Variants in TRIP4 observed in about 807,000 individuals in gnomAD.
The protein encoded by TRIP4 is thyroid hormone receptor interactor 4, also known as activating signal cointegrator 1.
In TRIP4, 54 loss-of-function variants were observed where a neutral mutation model predicts 81.8. The ratio of observed to expected loss-of-function variants is 0.66; its 90% CI spans 0.53 to 0.83. The LOEUF (loss-of-function observed/expected upper bound fraction) is 0.83, where lower values mean the gene tolerates loss of function less well. TRIP4 is among the 40% of genes least tolerant of loss of function. The probability of loss-of-function intolerance (pLI) is 0.00; values close to 1 mark genes in which losing one functional copy is unlikely to be tolerated. For missense variants in TRIP4, 662 were observed against 683.6 expected (o/e 0.97, Z 0.35); for synonymous variants, 270 against 242.8 (o/e 1.11, Z -1.04).
At chr15:64,445,165 A>G in intron 12 of TRIP4, 57 bp downstream of exon 12, 1 of 905,814 alleles carries the variant, frequency 1.1e-6, no homozygotes, top group South Asian at 1.5e-5. Flanking sequence ...AGGAATGGGG[A>G]AAAAAGTAGA....
At chr15:64,393,734 CGTT>C (rs1449764792) in intron 1 of TRIP4, 3 of 353,092 alleles carry the variant, frequency 8.5e-6, no homozygotes, top group African/African-American at 2.1e-5. Context: ...TGGTGTATAA[CGTT>C]GTTTTTTTCC....
chr15:64,406,437 C>G lies in TRIP4; in HGVS notation c.805C>G (p.Leu269Val). 1 of 1,613,930 alleles carries G rather than the reference C, an allele frequency of 6.2e-7. No homozygotes were observed. Among genetic ancestry groups the G allele is most frequent in the Non-Finnish European group, 8.5e-7 (1 of 1,179,954 alleles). ...LEKAIKHKDK[L>V]LEFDRTSIRR... The stretch of plus-strand genomic sequence containing the variant: ...GAAGGCTATCAAGCATAAAGACAAA[C>G]TGTTAGAGTTTGACAGAACTAGGTA... The change falls in exon 6 of 13, where the codon CTG becomes GTG. Residue 269 changes from leucine to valine, a missense_variant. Physicochemically the swap from Leu to Val is conservative, Grantham distance 32. Transcript: ENST00000261884.
At chr15:64,431,847 A>ATATTTT in intron 11 of TRIP4, among the ~76,000 whole-genome samples, 38,497 of 119,256 alleles carry the variant, frequency 0.32, 6,958 homozygotes, top group Admixed American at 0.38. Context: ...ATATATATAT[A>ATATTTT]TTTTTTTTAT....
At chr15:64,388,921 G>A (rs1900034089) in intron 1 of TRIP4, among the ~76,000 whole-genome samples, 1 of 152,202 alleles carries the variant, frequency 6.6e-6, no homozygotes, top group African/African-American at 2.4e-5. Flanking sequence ...ACTGATTGAA[G>A]AACATTTGTT....
chr15:64,425,953 C>T (rs1399093585), intron 11 of TRIP4, among the ~76,000 whole-genome samples: 1 of 152,008 alleles, frequency 6.6e-6, no homozygotes, highest in Non-Finnish European at 1.5e-5. Flanking sequence ...TGTGGTGGCA[C>T]GTGCCTGTAG....
chr15:64,447,226 A>G (rs1892655064), intron 12 of TRIP4, among the ~76,000 whole-genome samples: 1 of 152,174 alleles, frequency 6.6e-6, no homozygotes, highest in Non-Finnish European at 1.5e-5. Context: ...CATGTCAGTT[A>G]CCATTTTGTG....
chr15:64,450,627 A>G, intron 12 of TRIP4: 2 of 455,808 alleles, frequency 4.4e-6, no homozygotes, highest in South Asian at 3.1e-5. Context: ...GATTGTAAGG[A>G]GTTCACAGAT....
intron 12 of TRIP4, chr15:64,450,898 G>GTT (rs1344167714): frequency 3.7e-6 from 1 of 272,192 alleles, no homozygotes; most frequent in Non-Finnish European, 7.7e-6. Context: ...AAATAGGAAT[G>GTT]TTCTCATTCA....
intron 9 of TRIP4, among the ~76,000 whole-genome samples, chr15:64,419,449 C>T (rs570415941): frequency 6.6e-6 from 1 of 152,050 alleles, no homozygotes; most frequent in Admixed American, 6.6e-5. Context: ...ACCTCCGCCT[C>T]CCAGGTTCAC....
At chr15:64,450,882 A>G (rs1892743301) in intron 12 of TRIP4, 1 of 293,446 alleles carries the variant, frequency 3.4e-6, no homozygotes, top group Non-Finnish European at 7.2e-6. Context: ...AGTTTCCTGA[A>G]ACGTAAAATA....
chr15:64,394,185 A>AT (rs904299861), intron 2 of TRIP4, 70 bp downstream of exon 2: 18,937 of 1,018,944 alleles, frequency 0.019, no homozygotes, highest in Non-Finnish European at 0.02. Flanking sequence ...TATTATTATT[A>AT]TTTTTTTTTT....
intron 5 of TRIP4, among the ~76,000 whole-genome samples, chr15:64,402,595 C>T (rs537294723): frequency 1.3e-5 from 2 of 151,054 alleles, no homozygotes; most frequent in South Asian, 4.2e-4. Flanking sequence ...GCGATCTCAG[C>T]TCACTGCAAC....
intron 12 of TRIP4, among the ~76,000 whole-genome samples, chr15:64,451,409 C>G (rs928333365): frequency 1.9e-4 from 29 of 150,660 alleles, no homozygotes; most frequent in African/African-American, 6.8e-4. Flanking sequence ...CACACCTGGC[C>G]TGAAACACTT....
chr15:64,407,003 GA>G (rs35355253), intron 6 of TRIP4, among the ~76,000 whole-genome samples: 33,836 of 151,994 alleles, frequency 0.22, 4,808 homozygotes, highest in Admixed American at 0.4. Flanking sequence ...TTCTGTTTAG[GA>G]GATAGATTTA....
chr15:64,441,430 A>C (rs144099846), intron 11 of TRIP4, among the ~76,000 whole-genome samples: 42 of 152,274 alleles, frequency 2.8e-4, no homozygotes, highest in African/African-American at 9.9e-4. Context: ...GTCGAGACCA[A>C]GTAAAAGTTC....
chr15:64,423,130 C>G (rs937378330), intron 9 of TRIP4, among the ~76,000 whole-genome samples: 1 of 152,102 alleles, frequency 6.6e-6, no homozygotes, highest in African/African-American at 2.4e-5. Context: ...AACTAGTCCA[C>G]AAGTTGTTTA....
chr15:64,409,405 G>A (rs1891709060), intron 6 of TRIP4, among the ~76,000 whole-genome samples: 2 of 152,260 alleles, frequency 1.3e-5, no homozygotes, highest in Middle Eastern at 3.4e-3. Context: ...AAGGTAGAAG[G>A]AAAATGTATT....
intron 9 of TRIP4, 30 bp from the exon 10 acceptor site, chr15:64,424,000 AT>A (rs771680193): frequency 6.2e-7 from 1 of 1,612,236 alleles, no homozygotes; most frequent in Non-Finnish European, 8.5e-7. Context: ...TAGAATTTAT[AT>A]CCTTCCCACT....
intron 10 of TRIP4, chr15:64,424,387 A>T: frequency 2.1e-6 from 1 of 487,080 alleles, no homozygotes; most frequent in Non-Finnish European, 3.5e-6. Context: ...ACTAGTCTTA[A>T]TTTTTTTATC....
Sources: allele counts gnomAD v4.1 joint callset (sites outside exome capture counted in the v4.1 genomes callset), GRCh38; gene constraint gnomAD v4.1.1; transcripts MANE v1.5; gene names NCBI Gene and HGNC (gene_info 2026-07-23, HGNC 2026-07-21).